The following RYR2 variants were observed in gnomAD, a reference collection of about 807,000 sequenced individuals.
RYR2 encodes ryanodine receptor 2, also known as cardiac muscle ryanodine receptor-calcium release channel.
A neutral mutation model predicts 601.1 loss-of-function variants in RYR2; 227 were observed. That is an observed-to-expected ratio of 0.38 (90% confidence interval 0.34 to 0.42). The LOEUF is 0.42. Among genes scored for constraint, RYR2 ranks in the 10% least tolerant of loss-of-function variants. RYR2 has a pLI of 1.00. For synonymous variants in RYR2, 2,223 were observed against 2,175.1 expected, an observed-to-expected ratio of 1.02 and a Z score of -0.61; for missense variants, 4,646 against 6,156.5, an observed-to-expected ratio of 0.75 and a Z score of 8.21.
At chr1:237,709,184 C>A in intron 69 of RYR2, 86 bp downstream of exon 69, 1 of 1,256,594 alleles carries the variant, frequency 8.0e-7, no homozygotes, top group Non-Finnish European at 1.1e-6. Flanking sequence ...GCTTCATTCA[C>A]TATTTTGCCA....
chr1:237,461,569 G>A (rs184195228), intron 16 of RYR2, among the ~76,000 whole-genome samples: 248 of 152,112 alleles, frequency 1.6e-3, no homozygotes, highest in African/African-American at 5.8e-3. Flanking sequence ...TAGTTAGCGG[G>A]CTACAACTTG....
intron 28 of RYR2, among the ~76,000 whole-genome samples, chr1:237,567,980 G>A (rs1457817794): frequency 1.3e-5 from 2 of 150,388 alleles, no homozygotes; most frequent in African/African-American, 2.4e-5. Flanking sequence ...GTTGGGGGGC[G>A]GTCAAAATTA....
At chr1:237,791,091 A>G (rs1200616351) in intron 92 of RYR2, among the ~76,000 whole-genome samples, 1 of 152,196 alleles carries the variant, frequency 6.6e-6, no homozygotes, top group Non-Finnish European at 1.5e-5. Flanking sequence ...CTCTCTGTTC[A>G]AAGCTTACCT....
At chr1:237,284,620 A>AT (rs1400981291) in intron 2 of RYR2, among the ~76,000 whole-genome samples, 1 of 147,414 alleles carries the variant, frequency 6.8e-6, no homozygotes, top group African/African-American at 2.5e-5. Context: ...ACACCACAGT[A>AT]TGTAGTATAT....
intron 101 of RYR2, 32 bp from the exon 102 acceptor site, chr1:237,828,349 A>G (rs1326448414): frequency 6.9e-7 from 1 of 1,446,274 alleles, no homozygotes; most frequent in Admixed American, 2.0e-5. Flanking sequence ...ATTGCTTGAT[A>G]AAGATTAAAT....
chr1:237,757,298 A>G (rs1170923870), intron 81 of RYR2, among the ~76,000 whole-genome samples: 1 of 152,224 alleles, frequency 6.6e-6, no homozygotes. Context: ...TTCTTCATAT[A>G]TAATACTGTT....
chr1:237,815,679 G>A (rs1216264642), intron 100 of RYR2, among the ~76,000 whole-genome samples: 1 of 152,276 alleles, frequency 6.6e-6, no homozygotes, highest in South Asian at 2.1e-4. Flanking sequence ...GCTGACAAGA[G>A]ATCTGCAAAG....
At chr1:237,322,909 A>G (rs1695773241) in intron 2 of RYR2, among the ~76,000 whole-genome samples, 1 of 151,586 alleles carries the variant, frequency 6.6e-6, no homozygotes, top group Admixed American at 6.6e-5. Flanking sequence ...ATGTGCTCCA[A>G]AGTAATTCGT....
intron 92 of RYR2, among the ~76,000 whole-genome samples, chr1:237,790,921 C>T (rs145243186): frequency 2.0e-5 from 3 of 152,154 alleles, no homozygotes; most frequent in African/African-American, 7.2e-5. Context: ...GCCACCCCCA[C>T]ACATCAGTCT....
At chr1:237,270,407 C>A (rs957222252) in intron 1 of RYR2, 90 bp from the exon 2 acceptor site, 1 of 1,501,224 alleles carries the variant, frequency 6.7e-7, no homozygotes, top group Non-Finnish European at 9.1e-7. Context: ...TTTTAAAATG[C>A]ACTAAAATAA....
intron 1 of RYR2, among the ~76,000 whole-genome samples, chr1:237,053,660 G>A (rs533662701): frequency 6.6e-6 from 1 of 152,314 alleles, no homozygotes; most frequent in Admixed American, 6.5e-5. Flanking sequence ...CATGCTTCTT[G>A]CTGGACTTAT....
intron 1 of RYR2, among the ~76,000 whole-genome samples, chr1:237,194,754 A>G (rs1301309182): frequency 6.6e-6 from 1 of 152,184 alleles, no homozygotes; most frequent in Non-Finnish European, 1.5e-5. Context: ...TGAGGCTGCC[A>G]AGAAAAGCCA....
In RYR2 at chr1:237,527,444, T is replaced by C. The variant is rs192748282; in HGVS notation, c.2823-2983T>C. Among the ~76,000 whole-genome samples the C allele has an allele frequency of 7.2e-5, 11 of 152,320 alleles. No homozygotes were observed. In the East Asian group the frequency reaches 2.1e-3, roughly 29 times the overall value. ...TAGCCATCACACATAATGAGAAATA[T>C]TTATGAAGCATATAGTGCACCCCAA... On this transcript the variant is annotated intron_variant, in intron 24 of 104. Transcript: ENST00000366574.
Position 237,515,891 on chromosome 1 carries a change from C to G in RYR2, c.2822+4100C>G, listed in dbSNP as rs1007007656. Among the ~76,000 whole-genome samples, 38 of 144,960 alleles carry G rather than the reference C, an allele frequency of 2.6e-4. 1 individual carries two copies. Among genetic ancestry groups the G allele is most frequent in the African/African-American group, 7.7e-4 (30 of 39,118 alleles). Reference sequence around the variant, plus strand: ...TTCTTTTCCTTCCTCTTCTCCTCCTCCCTCTTCTCCTTCTCCCTCTTCTCC... The same window carrying G: ...TTCTTTTCCTTCCTCTTCTCCTCCTGCCTCTTCTCCTTCTCCCTCTTCTCC... On this transcript the variant is annotated intron_variant, in intron 24 of 104. Coordinates refer to ENST00000366574, the MANE Select transcript of RYR2 (RefSeq NM_001035.3).
intron 12 of RYR2, among the ~76,000 whole-genome samples, chr1:237,439,180 A>G (rs1707671443): frequency 6.6e-6 from 1 of 152,216 alleles, no homozygotes; most frequent in Non-Finnish European, 1.5e-5. Flanking sequence ...CAAAGGATCT[A>G]GATTATTTTC....
chr1:237,631,411 C>A lies in RYR2; in HGVS notation c.6441-16C>A. The A allele has an allele frequency of 2.6e-6, 4 of 1,526,638 alleles. No homozygotes were observed. Among genetic ancestry groups the A allele is most frequent in the Non-Finnish European group, 3.6e-6 (4 of 1,102,276 alleles). 94.6% of individuals were successfully genotyped at this position (1,526,638 alleles called of 1,614,324 possible). A position where few individuals can be genotyped will look rare whatever the true frequency, so the allele number is the denominator to read the frequency against. On this transcript the variant is annotated splice_polypyrimidine_tract_variant and intron_variant, in intron 41 of 104. Coordinates refer to ENST00000366574, the MANE Select transcript of RYR2 (RefSeq NM_001035.3). ...TTGCTCTGAGCTTTACCCCATACGT[C>A]CATTGTCCTTTCTAGGGATATTATG...
At chr1:237,623,714 A>G in intron 38 of RYR2, 51 bp from the exon 39 acceptor site, 3 of 1,246,134 alleles carry the variant, frequency 2.4e-6, no homozygotes, top group African/African-American at 3.0e-5. Flanking sequence ...TCTTGAATTC[A>G]CCTTTCTTTT....
intron 1 of RYR2, among the ~76,000 whole-genome samples, chr1:237,119,715 T>C (rs980891173): frequency 2.0e-5 from 3 of 152,158 alleles, no homozygotes; most frequent in African/African-American, 7.2e-5. Flanking sequence ...CAGTCTCTAC[T>C]AAAGTGGAGG....
rs1573391679 is a variant in RYR2 at position 237,660,843 on chromosome 1, T to C, written c.8332T>C (p.Ser2778Pro). ...AATTTATCGCTGGCCAATCAAAGAA[T>C]CTTTAAAAACTATGCTGGCTTGGGG... ...KEIYRWPIKE[S>P]LKTMLAWGWR... The change falls in exon 56 of 105, where the codon TCT (serine) becomes CCT (proline). Residue 2778 changes from serine to proline, a missense_variant. By Grantham distance (74) the Ser-to-Pro change is moderately conservative (BLOSUM62 -1). Around this residue, in one of 17 missense-constraint regions of RYR2, gnomAD observed 1,497 missense variants for 1,842.6 expected, o/e 0.81. Coordinates refer to ENST00000366574, the MANE Select transcript of RYR2 (RefSeq NM_001035.3). The C allele has an allele frequency of 1.4e-5, 21 of 1,547,312 alleles. No homozygotes were observed. Among genetic ancestry groups the C allele is most frequent in the Non-Finnish European group, 1.7e-5 (19 of 1,144,302 alleles).
Sources: allele counts gnomAD v4.1 joint callset (sites outside exome capture counted in the v4.1 genomes callset), GRCh38; gene constraint gnomAD v4.1.1; regional missense constraint gnomAD v4.1.1; transcripts MANE v1.5; gene names NCBI Gene and HGNC (gene_info 2026-07-23, HGNC 2026-07-21).